The following GPR176 variants were observed in gnomAD, a reference collection of about 807,000 sequenced individuals.
GPR176 encodes the protein G protein-coupled receptor 176.
In GPR176, 26 loss-of-function variants were observed where a neutral mutation model predicts 35.4. The observed-to-expected ratio is 0.74, with a 90% confidence interval of 0.54 to 1.02. The LOEUF is 1.02. Among genes scored for constraint, GPR176 ranks in the 50% least tolerant of loss-of-function variants. The pLI is 0.00. For missense variants in GPR176, 597 were observed against 665.3 expected (o/e 0.90, Z 1.13); for synonymous variants, 278 against 271.3 (o/e 1.02, Z -0.24).
At chr15:39,840,904 AG>A (rs1368299594) in intron 1 of GPR176, among the ~76,000 whole-genome samples, 1 of 152,138 alleles carries the variant, frequency 6.6e-6, no homozygotes, top group African/African-American at 2.4e-5. Context: ...TCTGAATTTG[AG>A]GCAGGTATTA....
intron 1 of GPR176, among the ~76,000 whole-genome samples, chr15:39,855,050 C>CA (rs1158490962): frequency 0.28 from 33,572 of 121,520 alleles, 4,341 homozygotes; most frequent in Admixed American, 0.4. Flanking sequence ...GACCCTGTCT[C>CA]AAAAAAAAAA....
chr15:39,893,805 A>G (rs868207575), intron 1 of GPR176, among the ~76,000 whole-genome samples: 3 of 104,564 alleles, frequency 2.9e-5, no homozygotes, highest in African/African-American at 7.5e-5. Flanking sequence ...TCCCTCCCGG[A>G]TGGGGCGGCT....
Position 39,920,106 on chromosome 15 carries a change from G to C in GPR176, c.-80C>G, listed in dbSNP as rs1369625408. On this transcript the variant is annotated 5_prime_UTR_variant, in exon 1 of 3. Transcript: ENST00000561100. Reference sequence around the variant, plus strand: ...GCCTCTCCTCCTCCGGGTGAGGAGGGACGCGCGGGCGCCTGGCGGAGTCCT... The same window carrying C: ...GCCTCTCCTCCTCCGGGTGAGGAGGCACGCGCGGGCGCCTGGCGGAGTCCT... The C allele has an allele frequency of 1.7e-5, 17 of 995,318 alleles. No homozygotes were observed. Among genetic ancestry groups the C allele is most frequent in the Non-Finnish European group, 2.2e-5 (17 of 758,972 alleles). 61.7% of individuals were successfully genotyped at this position (995,318 alleles called of 1,614,324 possible). A position where few individuals can be genotyped will look rare whatever the true frequency, so the allele number is the denominator to read the frequency against.
chr15:39,839,702 T>C (rs1190661545), intron 1 of GPR176, among the ~76,000 whole-genome samples: 1 of 152,102 alleles, frequency 6.6e-6, no homozygotes. Context: ...ACCTACAGAA[T>C]GGGAGAAAAT....
chr15:39,893,568 T>G (rs1302134468), intron 1 of GPR176, among the ~76,000 whole-genome samples: 2 of 152,256 alleles, frequency 1.3e-5, no homozygotes, highest in African/African-American at 4.8e-5. Flanking sequence ...CGCCTTTCTA[T>G]TCCACAAAGC....
At position 39,802,196 on chromosome 15, in the gene GPR176, G is replaced by A; in HGVS notation, c.484C>T (p.Leu162=). 2 of 1,613,928 alleles carry A rather than the reference G, an allele frequency of 1.2e-6. No individual in the cohort carries two copies. Among genetic ancestry groups the A allele is most frequent in the Non-Finnish European group, 1.7e-6 (2 of 1,179,846 alleles). Residue 162 remains leucine, a synonymous_variant, in exon 3 of 3, where the codon CTG becomes TTG. Transcript: ENST00000561100. ...GCATGGGCCCAGATGTACATCACCA[G>A]TTCACGGGACTTGGCATCAGATATT... ...RKISDAKSRE[L]VMYIWAHAVV... is the part of the protein sequence containing the mutation.
chr15:39,906,455 G>A (rs55859027), intron 1 of GPR176, among the ~76,000 whole-genome samples: 31,010 of 152,100 alleles, frequency 0.2, 4,142 homozygotes, highest in Non-Finnish European at 0.3. Flanking sequence ...CTGCCTCTCG[G>A]CCACTCTTCC....
chr15:39,899,513 A>G (rs1190109409), intron 1 of GPR176, among the ~76,000 whole-genome samples: 1 of 152,232 alleles, frequency 6.6e-6, no homozygotes, highest in Non-Finnish European at 1.5e-5. Context: ...AAGAACTTTA[A>G]GGAATTACAG....
rs145050386 is a variant in GPR176, at chr15:39,905,860, C to T, written c.172+13995G>A. Among the ~76,000 whole-genome samples the T allele has an allele frequency of 4.6e-3, 703 of 152,224 alleles. 6 individuals carry two copies. The highest frequency in any genetic ancestry group is 0.016 in the African/African-American group (675 of 41,520). On this transcript the variant is annotated intron_variant, in intron 1 of 2. Coordinates refer to ENST00000561100, the MANE Select transcript of GPR176 (RefSeq NM_007223.3). ...CCATAACAATGCAACAGTTGGAATC[C>T]TTGTGGTGATGGAAATTTCGAGGGC...
intron 1 of GPR176, among the ~76,000 whole-genome samples, chr15:39,900,812 A>G (rs2033254891): frequency 6.6e-6 from 1 of 152,214 alleles, no homozygotes; most frequent in Non-Finnish European, 1.5e-5. Flanking sequence ...TGAAGTTTCC[A>G]ATTCTATCTT....
intron 1 of GPR176, among the ~76,000 whole-genome samples, chr15:39,883,414 T>C (rs896348561): frequency 1.6e-4 from 25 of 152,118 alleles, no homozygotes; most frequent in Admixed American, 5.9e-4. Flanking sequence ...ATGAGTAACA[T>C]GAAAAAAGCT....
chr15:39,852,526 A>G (rs557319869), intron 1 of GPR176, among the ~76,000 whole-genome samples: 1 of 152,336 alleles, frequency 6.6e-6, no homozygotes, highest in Non-Finnish European at 1.5e-5. Context: ...ACTAGTCCAC[A>G]CCCATCAACT....
chr15:39,917,150 G>A (rs535614110), intron 1 of GPR176, among the ~76,000 whole-genome samples: 4 of 152,032 alleles, frequency 2.6e-5, no homozygotes, highest in African/African-American at 9.6e-5. Context: ...AGGCGTGGTG[G>A]CGGGCACCTG....
chr15:39,913,931 AGCTGCTCGGGAG>A (rs2033651208), intron 1 of GPR176, among the ~76,000 whole-genome samples: 1 of 152,168 alleles, frequency 6.6e-6, no homozygotes, highest in Admixed American at 6.5e-5. Context: ...CTGTAGTCCC[AGCTGCTCGGGAG>A]GCTGAGGCAG....
chr15:39,864,926 C>T (rs112332522), intron 1 of GPR176, among the ~76,000 whole-genome samples: 12 of 139,892 alleles, frequency 8.6e-5, no homozygotes, highest in African/African-American at 3.2e-4. Context: ...GGCCAGCAGG[C>T]ATGTGGAAAA....
intron 1 of GPR176, among the ~76,000 whole-genome samples, chr15:39,853,932 AATT>A (rs1178948651): frequency 4.0e-5 from 6 of 151,824 alleles, no homozygotes; most frequent in Non-Finnish European, 7.4e-5. Context: ...TCATCATCAT[AATT>A]ATTATTATTA....
chr15:39,846,616 A>C (rs536653721), intron 1 of GPR176, among the ~76,000 whole-genome samples: 2 of 152,224 alleles, frequency 1.3e-5, no homozygotes, highest in Admixed American at 6.5e-5. Flanking sequence ...CCAATTAGGG[A>C]TAAGAAACTA....
chr15:39,800,294 T>G lies in GPR176; in HGVS notation c.*838A>C, dbSNP rs1053724649. 4 of 152,212 alleles carry G rather than the reference T, an allele frequency of 2.6e-5. No individual in the cohort carries two copies. Among genetic ancestry groups the G allele is most frequent in the African/African-American group, 9.7e-5 (4 of 41,448 alleles). 9.4% of individuals were successfully genotyped at this position (152,212 alleles called of 1,614,324 possible). On this transcript the variant is annotated 3_prime_UTR_variant, in exon 3 of 3. Coordinates refer to ENST00000561100, the MANE Select transcript of GPR176 (RefSeq NM_007223.3). ...GGAAGAAAAAAAAACTACAGCGCCA[T>G]AGGCATCTCTCAGGCATCTCCCCCG...
chr15:39,880,655 C>T (rs2032440203), intron 1 of GPR176, among the ~76,000 whole-genome samples: 1 of 152,110 alleles, frequency 6.6e-6, no homozygotes, highest in Non-Finnish European at 1.5e-5. Context: ...ATCTCTTTCA[C>T]ACTCTCTCTC....
Sources: gnomAD v4.1 joint callset for allele counts (sites outside exome capture counted in the v4.1 genomes callset) on GRCh38, gnomAD v4.1.1 for gene constraint, MANE v1.5 for transcripts, NCBI Gene and HGNC (gene_info 2026-07-23, HGNC 2026-07-21) for gene names.